The following FAR1 variants were observed in gnomAD, a reference collection of about 807,000 sequenced individuals.
FAR1 encodes fatty acyl-CoA reductase 1.
Under a neutral mutation model 61.1 loss-of-function variants are expected in FAR1, and 22 were observed. That is an observed-to-expected ratio of 0.36 (90% CI 0.26 to 0.51). FAR1 has a LOEUF of 0.51. FAR1 is among the 20% of genes least tolerant of loss of function. The pLI, the probability that FAR1 is intolerant of heterozygous loss-of-function variation, is 0.95. For missense variants in FAR1, 359 were observed against 626.9 expected (o/e 0.57, Z 4.56); for synonymous variants, 206 against 209.7 (o/e 0.98, Z 0.15).
rs1848703749 is a variant in FAR1, at chr11:13,729,719, G to GA, written c.*949dup. 1 of 151,934 alleles carries GA rather than the reference G, an allele frequency of 6.6e-6. No homozygotes were observed. Among genetic ancestry groups the GA allele is most frequent in the Admixed American group, 6.6e-5 (1 of 15,228 alleles). The allele number at this position is 151,934 out of a possible 1,614,324, so 9.4% of individuals were successfully genotyped here. On this transcript the variant is annotated 3_prime_UTR_variant, in exon 12 of 12. Transcript: ENST00000354817. ...AAAAGGCTTGTGCTATCTTTCCAGT[G>GA]AAAACTGAAAGTGCATTATTATGGA...
rs1848699422 is a variant in FAR1 at position 13,729,410 on chromosome 11, A to G, written c.*636A>G. ...CAGTTGCTTTTAAAATCAGAAGGCT[A>G]TATTATTCTAATGACCCTATTCGAT... On this transcript the variant is annotated 3_prime_UTR_variant, in exon 12 of 12. Coordinates refer to ENST00000354817, the MANE Select transcript of FAR1 (RefSeq NM_032228.6). 1 of 151,974 alleles carries G rather than the reference A, an allele frequency of 6.6e-6. No individual in the cohort carries two copies. Among genetic ancestry groups the G allele is most frequent in the African/African-American group, 2.4e-5 (1 of 41,436 alleles). 9.4% of individuals were successfully genotyped at this position (151,974 alleles called of 1,614,324 possible).
At chr11:13,722,417 C>T (rs531770274) in intron 10 of FAR1, among the ~76,000 whole-genome samples, 2 of 152,102 alleles carry the variant, frequency 1.3e-5, no homozygotes, top group Non-Finnish European at 2.9e-5. Context: ...GTGATTACCA[C>T]TCCCACTCAC....
intron 3 of FAR1, among the ~76,000 whole-genome samples, chr11:13,703,392 C>G (rs964160648): frequency 3.4e-5 from 5 of 146,320 alleles, no homozygotes; most frequent in Non-Finnish European, 1.5e-5. Context: ...CTAACAGTTA[C>G]TCTTTATAAC....
intron 1 of FAR1, among the ~76,000 whole-genome samples, chr11:13,670,766 A>G (rs1317125128): frequency 7.5e-6 from 1 of 133,018 alleles, no homozygotes; most frequent in Non-Finnish European, 1.6e-5. Flanking sequence ...CATCACTGCT[A>G]TTCTATTTGA....
At chr11:13,692,169 A>G (rs1848257460) in intron 1 of FAR1, among the ~76,000 whole-genome samples, 1 of 152,212 alleles carries the variant, frequency 6.6e-6, no homozygotes. Context: ...TTTCTCCAGA[A>G]GGAAAAACTT....
chr11:13,730,588 A>G lies in FAR1; in HGVS notation c.*1814A>G, dbSNP rs747271080. On this transcript the variant is annotated 3_prime_UTR_variant, in exon 12 of 12. Transcript: ENST00000354817. ...ACTCCATCTCTCCAAATGTATTTCC[A>G]TAATGTGTTGAAAACATGCTAACAT... The G allele has an allele frequency of 1.3e-5, 2 of 152,096 alleles. No individual in the cohort carries two copies. The allele number at this position is 152,096 out of a possible 1,614,324, so 9.4% of individuals were successfully genotyped here. A position where few individuals can be genotyped will look rare whatever the true frequency, so the allele number is the denominator to read the frequency against.
At chr11:13,712,502 T>A (rs1407200637) in intron 7 of FAR1, among the ~76,000 whole-genome samples, 1 of 151,468 alleles carries the variant, frequency 6.6e-6, no homozygotes, top group Non-Finnish European at 1.5e-5. Context: ...TCCCAATAAC[T>A]TTTTTTTTCT....
At chr11:13,724,686 T>TAA (rs1565353625) in intron 10 of FAR1, among the ~76,000 whole-genome samples, 2 of 152,138 alleles carry the variant, frequency 1.3e-5, no homozygotes, top group Non-Finnish European at 2.9e-5. Flanking sequence ...TAACCTAACA[T>TAA]ATAATCAAAA....
chr11:13,721,516 C>CA lies in FAR1; in HGVS notation c.1128-206dup, dbSNP rs572485255. ...TATTAAATGCATTTGCTGCTGCTTTCAAAAAAAATTTGTTTTCCTTTTGGA... is the reference window on the plus strand; with the variant it reads ...TATTAAATGCATTTGCTGCTGCTTTCAAAAAAAAATTTGTTTTCCTTTTGGA... On this transcript the variant is annotated intron_variant, in intron 9 of 11. Transcript: ENST00000354817. This position sits in a 1 kb window ranked among gnomAD's most constrained non-coding sequence, Gnocchi z 4.2. The CA allele has an allele frequency of 3.7e-4, 161 of 430,580 alleles. No individual in the cohort carries two copies. Among genetic ancestry groups the CA allele is most frequent in the East Asian group, 2.4e-3 (55 of 23,144 alleles). 26.7% of individuals were successfully genotyped at this position (430,580 alleles called of 1,614,324 possible).
chr11:13,670,053 A>C (rs909460070), intron 1 of FAR1: 1 of 151,818 alleles, frequency 6.6e-6, no homozygotes, highest in African/African-American at 2.4e-5. Flanking sequence ...TACAATCCTG[A>C]TGTATTTTTT....
intron 10 of FAR1, among the ~76,000 whole-genome samples, chr11:13,726,915 A>G (rs916683826): frequency 6.6e-6 from 1 of 151,970 alleles, no homozygotes; most frequent in Non-Finnish European, 1.5e-5. Flanking sequence ...TATATACTGA[A>G]TAATATCTTT....
intron 9 of FAR1, among the ~76,000 whole-genome samples, chr11:13,719,715 CA>C (rs1350510553): frequency 2.0e-5 from 3 of 152,112 alleles, no homozygotes; most frequent in African/African-American, 7.2e-5. Flanking sequence ...GTTATCACAA[CA>C]GGGGGAGGGC....
rs148032181 is a variant in FAR1 at position 13,693,262 on chromosome 11, A to C, written c.-7-1497A>C. On this transcript the variant is annotated intron_variant, in intron 1 of 11. Coordinates refer to ENST00000354817, the MANE Select transcript of FAR1 (RefSeq NM_032228.6). Reference sequence around the variant, plus strand: ...ATGAATTTGTGTTGGGCTGCATTCAAAGCCATCCTGGGCCATGGGTTGGAC... The same window carrying C: ...ATGAATTTGTGTTGGGCTGCATTCACAGCCATCCTGGGCCATGGGTTGGAC... Among the ~76,000 whole-genome samples, 807 of 152,354 alleles carry C rather than the reference A, an allele frequency of 5.3e-3. 5 individuals carry two copies. Among genetic ancestry groups the C allele is most frequent in the Non-Finnish European group, 7.6e-3 (517 of 68,030 alleles).
chr11:13,684,034 A>G (rs1217097803), intron 1 of FAR1, among the ~76,000 whole-genome samples: 1 of 152,198 alleles, frequency 6.6e-6, no homozygotes, highest in Non-Finnish European at 1.5e-5. Context: ...ATATTTGTAT[A>G]TTCTATGTAC....
Position 13,700,299 on chromosome 11 carries a change from A to T in FAR1, c.190-18A>T. 6.5e-7 allele frequency: 1 copy of T among 1,545,588 alleles called. No homozygotes were observed. The highest frequency in any genetic ancestry group is 8.7e-7 in the Non-Finnish European group (1 of 1,150,884). ...GGAAAAATACTGCTGTAAAATAAAT[A>T]TTTTTCCCTCTTGATAGCTTTTTGA... On this transcript the variant is annotated intron_variant, in intron 2 of 11. Transcript: ENST00000354817.
chr11:13,683,023 C>T (rs760877568), intron 1 of FAR1, among the ~76,000 whole-genome samples: 5 of 152,158 alleles, frequency 3.3e-5, no homozygotes, highest in Non-Finnish European at 5.9e-5. Context: ...CTATCTGCTG[C>T]TTGAATTTCT....
intron 1 of FAR1, among the ~76,000 whole-genome samples, chr11:13,679,940 G>T (rs10047421): frequency 0.032 from 4,883 of 152,072 alleles, 112 homozygotes; most frequent in Non-Finnish European, 0.047. Context: ...AAGTGCCTTG[G>T]GGGGAAGTAT....
At chr11:13,696,555 G>A (rs1304726142) in intron 2 of FAR1, among the ~76,000 whole-genome samples, 2 of 152,250 alleles carry the variant, frequency 1.3e-5, no homozygotes, top group East Asian at 3.9e-4. Flanking sequence ...TCTACTTAGA[G>A]CCTGAGGTTT....
chr11:13,669,752 C>T (rs564741069), intron 1 of FAR1: 1 of 152,342 alleles, frequency 6.6e-6, no homozygotes, highest in South Asian at 2.1e-4. Context: ...CACTCCACCC[C>T]TCCTGCCATC....
Sources: gnomAD v4.1 joint callset for allele counts (sites outside exome capture counted in the v4.1 genomes callset) on GRCh38, gnomAD v4.1.1 for gene constraint, Gnocchi (gnomAD v3.1) non-coding constraint, MANE v1.5 for transcripts, NCBI Gene and HGNC (gene_info 2026-07-23, HGNC 2026-07-21) for gene names.